The following ARHGAP12 variants were observed in gnomAD, a reference collection of about 807,000 sequenced individuals.
The protein encoded by ARHGAP12 is Rho GTPase activating protein 12, also known as rho GTPase-activating protein 12.
In ARHGAP12, 64 loss-of-function variants were observed where a neutral mutation model predicts 108.6. The observed-to-expected ratio is 0.59, with a 90% CI of 0.48 to 0.73. The LOEUF is 0.73. Ranked by LOEUF, ARHGAP12 falls within the 30% of genes least tolerant of loss-of-function variation. The probability of loss-of-function intolerance (pLI) is 0.00; values close to 1 mark genes in which losing one functional copy is unlikely to be tolerated. For missense variants in ARHGAP12, 940 were observed against 1,005.9 expected, an observed-to-expected ratio of 0.93 and a Z score of 0.89; for synonymous variants, 312 against 337.2, an observed-to-expected ratio of 0.93 and a Z score of 0.82.
intron 3 of ARHGAP12, among the ~76,000 whole-genome samples, chr10:31,898,912 G>C (rs779492046): frequency 5.4e-4 from 82 of 151,916 alleles, no homozygotes; most frequent in Non-Finnish European, 1.0e-3. Context: ...ATTCATACTA[G>C]CCAAAAAAGG....
At chr10:31,916,808 G>C (rs1036613113) in intron 1 of ARHGAP12, among the ~76,000 whole-genome samples, 3 of 151,860 alleles carry the variant, frequency 2.0e-5, no homozygotes, top group African/African-American at 7.3e-5. Context: ...GTACAGATGG[G>C]GTTTCACCAT....
chr10:31,808,904 G>T, intron 18 of ARHGAP12, 90 bp downstream of exon 18: 1 of 1,396,962 alleles, frequency 7.2e-7, no homozygotes, highest in South Asian at 1.4e-5. Flanking sequence ...GAAAATACTT[G>T]CTTAAAGTAA....
chr10:31,852,698 T>A, intron 5 of ARHGAP12, 101 bp from the exon 6 acceptor site: 1 of 739,224 alleles, frequency 1.4e-6, no homozygotes. Flanking sequence ...AATTTTATTC[T>A]ACTTGATCAA....
intron 1 of ARHGAP12, among the ~76,000 whole-genome samples, chr10:31,918,330 C>CACAT (rs1456913525): frequency 6.7e-6 from 1 of 149,012 alleles, no homozygotes; most frequent in Non-Finnish European, 1.5e-5. Flanking sequence ...CACACACACA[C>CACAT]ACACACACAC....
intron 3 of ARHGAP12, among the ~76,000 whole-genome samples, chr10:31,882,453 TAA>T (rs964537623): frequency 1.8e-4 from 28 of 152,220 alleles, no homozygotes; most frequent in African/African-American, 6.7e-4. Flanking sequence ...AAAGGGCCAA[TAA>T]ACTTTTATGT....
At chr10:31,857,819 T>C (rs1459722591) in intron 4 of ARHGAP12, among the ~76,000 whole-genome samples, 1 of 152,216 alleles carries the variant, frequency 6.6e-6, no homozygotes, top group South Asian at 2.1e-4. Flanking sequence ...TAGAACTATA[T>C]ACCCATGTTC....
intron 1 of ARHGAP12, among the ~76,000 whole-genome samples, chr10:31,918,027 C>G (rs1017733089): frequency 6.6e-5 from 10 of 151,628 alleles, no homozygotes; most frequent in Non-Finnish European, 1.5e-5. Context: ...ACCATCATAG[C>G]TCACTGCAGC....
At chr10:31,831,417 G>T (rs1266034028) in intron 10 of ARHGAP12, among the ~76,000 whole-genome samples, 3 of 152,046 alleles carry the variant, frequency 2.0e-5, no homozygotes, top group African/African-American at 7.2e-5. Flanking sequence ...CCGGCTGGGG[G>T]ATTGACTTTT....
At chr10:31,835,590 G>A (rs1835987025) in intron 9 of ARHGAP12, among the ~76,000 whole-genome samples, 1 of 152,188 alleles carries the variant, frequency 6.6e-6, no homozygotes, top group Admixed American at 6.5e-5. Context: ...ATTTCTAATT[G>A]ATGTTGCATT....
At chr10:31,837,055 G>A (rs116918836) in intron 9 of ARHGAP12, among the ~76,000 whole-genome samples, 1 of 152,298 alleles carries the variant, frequency 6.6e-6, no homozygotes, top group East Asian at 1.9e-4. Flanking sequence ...TCAGAAAATG[G>A]ATAAATGGGT....
intron 3 of ARHGAP12, among the ~76,000 whole-genome samples, chr10:31,888,940 C>T (rs1002590648): frequency 9.9e-5 from 15 of 151,352 alleles, no homozygotes; most frequent in Admixed American, 5.9e-4. Flanking sequence ...GACAGAGTCT[C>T]GCTCTGTTGC....
intron 11 of ARHGAP12, among the ~76,000 whole-genome samples, chr10:31,820,814 C>G (rs977204727): frequency 3.3e-5 from 5 of 150,672 alleles, no homozygotes; most frequent in Non-Finnish European, 3.0e-5. Flanking sequence ...AGGCTATAGA[C>G]TAAAAAGGCC....
At chr10:31,841,361 T>C (rs551392128) in intron 7 of ARHGAP12, among the ~76,000 whole-genome samples, 22 of 152,282 alleles carry the variant, frequency 1.4e-4, no homozygotes, top group African/African-American at 4.8e-4. Flanking sequence ...TATACAATAA[T>C]AGATGGTCCT....
intron 3 of ARHGAP12, among the ~76,000 whole-genome samples, chr10:31,891,029 G>GA (rs903976663): frequency 4.6e-5 from 7 of 151,924 alleles, no homozygotes; most frequent in Non-Finnish European, 8.8e-5. Flanking sequence ...ACACAATTTA[G>GA]AAAAAAAGAC....
intron 3 of ARHGAP12, among the ~76,000 whole-genome samples, chr10:31,873,334 G>A (rs1837609414): frequency 6.6e-6 from 1 of 152,132 alleles, no homozygotes; most frequent in South Asian, 2.1e-4. Context: ...TTCTTAAAAT[G>A]TACAGTTGAA....
chr10:31,907,284 C>T (rs182212490), intron 3 of ARHGAP12, among the ~76,000 whole-genome samples: 2 of 151,874 alleles, frequency 1.3e-5, no homozygotes, highest in East Asian at 3.9e-4. Context: ...GTCTTCACTT[C>T]ACTTGAGAAA....
intron 3 of ARHGAP12, among the ~76,000 whole-genome samples, chr10:31,869,878 C>T (rs1462732223): frequency 6.6e-6 from 1 of 152,120 alleles, no homozygotes; most frequent in Non-Finnish European, 1.5e-5. Context: ...TTCAGAATTG[C>T]TTCTATAATA....
chr10:31,916,162 T>C (rs1839547116), intron 1 of ARHGAP12, among the ~76,000 whole-genome samples: 1 of 152,160 alleles, frequency 6.6e-6, no homozygotes. Flanking sequence ...TCCATCCATA[T>C]TCATCCCAAA....
At chr10:31,917,351 A>G (rs1839606109) in intron 1 of ARHGAP12, among the ~76,000 whole-genome samples, 1 of 152,184 alleles carries the variant, frequency 6.6e-6, no homozygotes, top group African/African-American at 2.4e-5. Flanking sequence ...GGTTGCAGTG[A>G]GCCAAGATCG....
Sources: gnomAD v4.1 joint callset for allele counts (sites outside exome capture counted in the v4.1 genomes callset) on GRCh38, gnomAD v4.1.1 for gene constraint, MANE v1.5 for transcripts, NCBI Gene and HGNC (gene_info 2026-07-23, HGNC 2026-07-21) for gene names.